The following TMEM150C variants were observed in gnomAD, a reference collection of about 807,000 sequenced individuals.
TMEM150C encodes the protein transmembrane protein 150C.
Under a neutral mutation model 29.9 loss-of-function variants are expected in TMEM150C, and 10 were observed. The ratio of observed to expected loss-of-function variants is 0.33; its 90% CI spans 0.21 to 0.57. The LOEUF is 0.57. Ranked by LOEUF, TMEM150C falls within the 20% of genes least tolerant of loss-of-function variation. The probability of loss-of-function intolerance (pLI) is 0.88; values close to 1 mark genes in which losing one functional copy is unlikely to be tolerated. For synonymous variants in TMEM150C, 101 were observed against 112.5 expected (o/e 0.90, Z 0.64); for missense variants, 251 against 303.6 (o/e 0.83, Z 1.29).
At chr4:82,532,701 G>C (rs1724884459) in intron 1 of TMEM150C, among the ~76,000 whole-genome samples, 1 of 151,392 alleles carries the variant, frequency 6.6e-6, no homozygotes, top group Admixed American at 6.6e-5. Context: ...CTTGTCTATA[G>C]ACATGCAAAT....
chr4:82,483,200 G>A lies in TMEM150C; in HGVS notation c.*2311C>T, dbSNP rs977422416. ...ATTATGCATAAAAGAATTTTATTTA[G>A]TGGCCAGATCCCAATGAATAATGTC... On this transcript the variant is annotated 3_prime_UTR_variant, in exon 8 of 8. Coordinates refer to ENST00000449862, the MANE Select transcript of TMEM150C (RefSeq NM_001080506.3). The A allele has an allele frequency of 7.9e-5, 12 of 152,158 alleles. No individual in the cohort carries two copies. The highest frequency in any genetic ancestry group is 2.9e-4 in the African/African-American group (12 of 41,426). 9.4% of individuals were successfully genotyped at this position (152,158 alleles called of 1,614,324 possible). A position where few individuals can be genotyped will look rare whatever the true frequency, so the allele number is the denominator to read the frequency against.
chr4:82,541,322 G>A (rs888378417), intron 1 of TMEM150C, among the ~76,000 whole-genome samples: 1 of 152,090 alleles, frequency 6.6e-6, no homozygotes, highest in African/African-American at 2.4e-5. Context: ...ATGCTCAGCT[G>A]TAATTTCTTA....
intron 1 of TMEM150C, among the ~76,000 whole-genome samples, chr4:82,548,211 A>G (rs1725449253): frequency 6.6e-6 from 1 of 152,200 alleles, no homozygotes; most frequent in East Asian, 1.9e-4. Context: ...AAAGGACTGA[A>G]AAACTAACTA....
intron 1 of TMEM150C, among the ~76,000 whole-genome samples, chr4:82,561,450 G>A (rs917291888): frequency 1.3e-5 from 2 of 152,148 alleles, no homozygotes; most frequent in African/African-American, 4.8e-5. Context: ...AGGGAGAATG[G>A]CACAGGGACC....
chr4:82,527,855 C>T (rs1724705449), intron 1 of TMEM150C, among the ~76,000 whole-genome samples: 1 of 152,110 alleles, frequency 6.6e-6, no homozygotes, highest in Non-Finnish European at 1.5e-5. Flanking sequence ...AGCTTGAATC[C>T]AATGAAAACA....
intron 1 of TMEM150C, among the ~76,000 whole-genome samples, chr4:82,549,298 A>G (rs1725492191): frequency 6.6e-6 from 1 of 152,230 alleles, no homozygotes; most frequent in Middle Eastern, 3.2e-3. Flanking sequence ...GAAGGAAATG[A>G]TGACACGTAC....
intron 1 of TMEM150C, among the ~76,000 whole-genome samples, chr4:82,515,609 C>T (rs548883838): frequency 2.0e-4 from 30 of 152,056 alleles, no homozygotes; most frequent in Middle Eastern, 3.4e-3. Context: ...TGGTGGCACG[C>T]GCCTATAATC....
intron 1 of TMEM150C, among the ~76,000 whole-genome samples, chr4:82,516,316 A>G (rs1482030336): frequency 6.6e-6 from 1 of 152,224 alleles, no homozygotes; most frequent in Non-Finnish European, 1.5e-5. Context: ...TACCAGGGTG[A>G]TAGTCAAAAT....
chr4:82,545,318 T>G (rs1725339006), intron 1 of TMEM150C, among the ~76,000 whole-genome samples: 1 of 152,154 alleles, frequency 6.6e-6, no homozygotes, highest in South Asian at 2.1e-4. Context: ...TCAATAGATG[T>G]GGTAAAAGCT....
At chr4:82,525,770 G>GAGT (rs548479732) in intron 1 of TMEM150C, among the ~76,000 whole-genome samples, 24 of 152,314 alleles carry the variant, frequency 1.6e-4, no homozygotes, top group African/African-American at 5.5e-4. Flanking sequence ...ACAGCCTCAT[G>GAGT]AGTGGGCAGG....
chr4:82,561,918 G>T lies in TMEM150C; in HGVS notation c.-23C>A, dbSNP rs1725950490. 1.2e-5 allele frequency: 12 copies of T among 1,030,716 alleles called. No homozygotes were observed. Among genetic ancestry groups the T allele is most frequent in the Non-Finnish European group, 1.4e-5 (12 of 856,630 alleles). 63.8% of individuals were successfully genotyped at this position (1,030,716 alleles called of 1,614,324 possible). A position where few individuals can be genotyped will look rare whatever the true frequency, so the allele number is the denominator to read the frequency against. ...GCGCCGCGCCTACCTGCTCTGGTGC[G>T]GCGGGGCCGCTGTCGCCTCGAGGGG... On this transcript the variant is annotated 5_prime_UTR_variant, in exon 1 of 8. Coordinates refer to ENST00000449862, the MANE Select transcript of TMEM150C (RefSeq NM_001080506.3).
At chr4:82,494,820 T>G in intron 6 of TMEM150C, 1 of 413,648 alleles carries the variant, frequency 2.4e-6, no homozygotes, top group South Asian at 2.3e-5. Flanking sequence ...CTGATCTTAT[T>G]TGTTACTCAA....
At chr4:82,561,271 C>T (rs1725913715) in intron 1 of TMEM150C, among the ~76,000 whole-genome samples, 1 of 152,208 alleles carries the variant, frequency 6.6e-6, no homozygotes, top group South Asian at 2.1e-4. Context: ...CTACCACGGC[C>T]TCCCGCCGAA....
At chr4:82,495,787 AT>A (rs1462699752) in intron 6 of TMEM150C, 1 of 400,192 alleles carries the variant, frequency 2.5e-6, no homozygotes, top group Non-Finnish European at 4.8e-6. Context: ...ATAAGCAGCA[AT>A]TTCTGTGGCC....
intron 1 of TMEM150C, among the ~76,000 whole-genome samples, chr4:82,524,410 CAT>C (rs1724589784): frequency 1.3e-5 from 2 of 152,124 alleles, no homozygotes; most frequent in Non-Finnish European, 1.5e-5. Context: ...AAAAGAGAGA[CAT>C]GTGTCTTGGG....
intron 1 of TMEM150C, among the ~76,000 whole-genome samples, chr4:82,538,738 C>T (rs1191699985): frequency 6.6e-6 from 1 of 151,940 alleles, no homozygotes; most frequent in African/African-American, 2.4e-5. Context: ...TGAGTCAAAG[C>T]CTTAGAATGA....
At chr4:82,528,776 A>T (rs1400276817) in intron 1 of TMEM150C, among the ~76,000 whole-genome samples, 2 of 151,940 alleles carry the variant, frequency 1.3e-5, no homozygotes, top group Non-Finnish European at 2.9e-5. Flanking sequence ...TTGTATTTTT[A>T]GTAAAGACGG....
chr4:82,557,348 G>C (rs1412374330), intron 1 of TMEM150C, among the ~76,000 whole-genome samples: 1 of 152,158 alleles, frequency 6.6e-6, no homozygotes, highest in Non-Finnish European at 1.5e-5. Context: ...CAGAGGCAGA[G>C]GCTTCAGCTG....
At chr4:82,543,358 C>T (rs998872621) in intron 1 of TMEM150C, among the ~76,000 whole-genome samples, 37 of 152,202 alleles carry the variant, frequency 2.4e-4, no homozygotes, top group African/African-American at 8.9e-4. Context: ...AGTATATCCA[C>T]ATTTTACTGC....
Sources: gnomAD v4.1 joint callset for allele counts (sites outside exome capture counted in the v4.1 genomes callset) on GRCh38, gnomAD v4.1.1 for gene constraint, MANE v1.5 for transcripts, NCBI Gene and HGNC (gene_info 2026-07-23, HGNC 2026-07-21) for gene names.